Variants in GALNT13 observed in about 807,000 individuals in gnomAD.
The protein encoded by GALNT13 is polypeptide N-acetylgalactosaminyltransferase 13.
A neutral mutation model predicts 64.2 loss-of-function variants in GALNT13; 28 were observed. That is an observed-to-expected ratio of 0.44 (90% CI 0.32 to 0.60). The LOEUF (loss-of-function observed/expected upper bound fraction) is 0.60. GALNT13 is among the 20% of genes least tolerant of loss of function. The probability of loss-of-function intolerance (pLI) is 0.05; values close to 1 mark genes in which losing one functional copy is unlikely to be tolerated. For missense variants in GALNT13, 577 were observed against 669.8 expected (o/e 0.86, Z 1.53); for synonymous variants, 214 against 224.6 (o/e 0.95, Z 0.42).
the GALNT13 span, among the ~76,000 whole-genome samples, chr2:153,687,669 G>T: frequency 6.6e-6 from 1 of 151,852 alleles, no homozygotes; most frequent in African/African-American, 2.4e-5. Flanking sequence ...ATAAATCTAT[G>T]ATCCTGAGGG....
At chr2:154,375,278 G>T (rs1408097097) in intron 9 of GALNT13, among the ~76,000 whole-genome samples, 1 of 152,024 alleles carries the variant, frequency 6.6e-6, no homozygotes, top group Non-Finnish European at 1.5e-5. Context: ...TTGAGCCACC[G>T]CATCCAGCCA....
intron 11 of GALNT13, among the ~76,000 whole-genome samples, chr2:154,434,214 T>C (rs1700829100): frequency 1.3e-5 from 2 of 152,212 alleles, no homozygotes; most frequent in South Asian, 2.1e-4. Context: ...AGTGAACTAA[T>C]ACAACAGTAA....
chr2:153,850,845 T>A, the GALNT13 span, among the ~76,000 whole-genome samples: 2 of 152,018 alleles, frequency 1.3e-5, no homozygotes, highest in African/African-American at 4.8e-5. Context: ...GAAGTAATGA[T>A]ACAGAGAGGT....
intron 4 of GALNT13, among the ~76,000 whole-genome samples, chr2:154,152,256 G>A (rs1022525644): frequency 7.2e-5 from 11 of 152,006 alleles, no homozygotes; most frequent in African/African-American, 2.4e-4. Flanking sequence ...TTGAATATTG[G>A]CCCCCACTCT....
intron 4 of GALNT13, among the ~76,000 whole-genome samples, chr2:154,198,061 A>C (rs1362847342): frequency 6.6e-6 from 1 of 152,160 alleles, no homozygotes; most frequent in Non-Finnish European, 1.5e-5. Context: ...CATAACATTG[A>C]AGAAAAAACA....
intron 8 of GALNT13, among the ~76,000 whole-genome samples, chr2:154,260,547 T>C (rs1271898995): frequency 6.6e-6 from 1 of 152,176 alleles, no homozygotes; most frequent in Non-Finnish European, 1.5e-5. Flanking sequence ...TTTTTGCATT[T>C]GTCTATATGC....
At chr2:153,589,872 G>T in the GALNT13 span, among the ~76,000 whole-genome samples, 1 of 152,138 alleles carries the variant, frequency 6.6e-6, no homozygotes, top group African/African-American at 2.4e-5. Flanking sequence ...GATGAGATTT[G>T]TGTGGGAATA....
chr2:153,086,858 T>C, the GALNT13 span, among the ~76,000 whole-genome samples: 1 of 152,126 alleles, frequency 6.6e-6, no homozygotes, highest in Non-Finnish European at 1.5e-5. Context: ...ATAGAATTAA[T>C]TCATCAGATT....
At chr2:154,188,014 T>TTCTCTCTCTCTC (rs10635676) in intron 4 of GALNT13, among the ~76,000 whole-genome samples, 14 of 144,344 alleles carry the variant, frequency 9.7e-5, no homozygotes, top group Admixed American at 2.1e-4. Context: ...GCATCAGGCA[T>TTCTCTCTCTCTC]TCTCTCTCTC....
the GALNT13 span, among the ~76,000 whole-genome samples, chr2:153,272,825 A>G: frequency 6.6e-6 from 1 of 152,048 alleles, no homozygotes; most frequent in African/African-American, 2.4e-5. Flanking sequence ...AGGTACGTAT[A>G]TTGCAGCACT....
the GALNT13 span, among the ~76,000 whole-genome samples, chr2:153,090,617 T>A: frequency 6.6e-6 from 1 of 151,868 alleles, no homozygotes; most frequent in East Asian, 1.9e-4. Flanking sequence ...ACGAACTGCT[T>A]TAGTAGTAGG....
chr2:154,286,087 G>A (rs1361432926), intron 8 of GALNT13, among the ~76,000 whole-genome samples: 3 of 152,090 alleles, frequency 2.0e-5, no homozygotes, highest in Non-Finnish European at 2.9e-5. Flanking sequence ...TTTTTTGGTG[G>A]AGCTTTTAGG....
At chr2:153,638,090 C>T in the GALNT13 span, among the ~76,000 whole-genome samples, 1 of 150,796 alleles carries the variant, frequency 6.6e-6, no homozygotes, top group Non-Finnish European at 1.5e-5. Flanking sequence ...AAAGGGCATT[C>T]CAAGAAGAGG....
the GALNT13 span, among the ~76,000 whole-genome samples, chr2:153,751,829 C>G: frequency 6.6e-6 from 1 of 151,568 alleles, no homozygotes; most frequent in Admixed American, 6.6e-5. Context: ...CACTTACATT[C>G]AATGTTATTA....
At chr2:153,382,103 A>T in the GALNT13 span, among the ~76,000 whole-genome samples, 1 of 152,140 alleles carries the variant, frequency 6.6e-6, no homozygotes, top group Non-Finnish European at 1.5e-5. Flanking sequence ...CAGCATGATT[A>T]ATGAAGAATT....
chr2:153,194,081 G>A, the GALNT13 span, among the ~76,000 whole-genome samples: 1 of 152,004 alleles, frequency 6.6e-6, no homozygotes, highest in South Asian at 2.1e-4. Flanking sequence ...AAGATATTTT[G>A]TACTTTTATA....
At chr2:153,507,379 C>G in the GALNT13 span, among the ~76,000 whole-genome samples, 3 of 152,070 alleles carry the variant, frequency 2.0e-5, 1 homozygote, top group South Asian at 6.2e-4. Flanking sequence ...TTCCCAAGTT[C>G]AAGCAATTCT....
the GALNT13 span, among the ~76,000 whole-genome samples, chr2:153,536,725 G>T: frequency 6.6e-6 from 1 of 152,084 alleles, no homozygotes; most frequent in Non-Finnish European, 1.5e-5. Flanking sequence ...TACTCTCAGG[G>T]TACTTACACT....
the GALNT13 span, among the ~76,000 whole-genome samples, chr2:153,607,451 G>A: frequency 6.6e-6 from 1 of 151,960 alleles, no homozygotes; most frequent in Non-Finnish European, 1.5e-5. Context: ...ATTATTCTGT[G>A]GTTTAAGGCA....
Sources: gnomAD v4.1 joint callset for allele counts (sites outside exome capture counted in the v4.1 genomes callset) on GRCh38, gnomAD v4.1.1 for gene constraint, MANE v1.5 for transcripts, NCBI Gene and HGNC (gene_info 2026-07-23, HGNC 2026-07-21) for gene names.